The following MMD2 variants were observed in gnomAD, a reference collection of about 807,000 sequenced individuals.
MMD2 encodes monocyte to macrophage differentiation associated 2.
In MMD2, 30 loss-of-function variants were observed where a neutral mutation model predicts 33.5. The ratio of observed to expected loss-of-function variants is 0.90; its 90% confidence interval spans 0.67 to 1.22. The LOEUF (loss-of-function observed/expected upper bound fraction) is 1.22. MMD2 is among the 50% of genes most tolerant of loss of function. The probability of loss-of-function intolerance (pLI) is 0.00; values close to 1 mark genes in which losing one functional copy is unlikely to be tolerated. For synonymous variants in MMD2, 129 were observed against 123.0 expected (o/e 1.05, Z -0.32); for missense variants, 364 against 325.4 (o/e 1.12, Z -0.91).
the MMD2 span, among the ~76,000 whole-genome samples, chr7:4,892,585 TATAAATAA>T: frequency 4.0e-4 from 58 of 143,508 alleles, no homozygotes; most frequent in South Asian, 1.8e-3. Context: ...AAGACTCTGC[TATAAATAA>T]ATAAATAAAT....
chr7:4,939,883 G>C (rs73322960), intron 1 of MMD2, among the ~76,000 whole-genome samples: 1 of 151,840 alleles, frequency 6.6e-6, no homozygotes, highest in African/African-American at 2.4e-5. Flanking sequence ...GGGACTACAG[G>C]TGTACAGAAC....
chr7:4,920,082 C>T, intron 3 of MMD2, 89 bp downstream of exon 3: 2 of 1,409,380 alleles, frequency 1.4e-6, no homozygotes, highest in Non-Finnish European at 9.6e-7. Flanking sequence ...ACCAGGCAGA[C>T]CGGATATCCT....
intron 3 of MMD2, among the ~76,000 whole-genome samples, chr7:4,916,352 T>C (rs1231074428): frequency 6.7e-6 from 1 of 148,502 alleles, no homozygotes; most frequent in South Asian, 2.1e-4. Flanking sequence ...CAGGTAAGGA[T>C]TGAACATCCT....
chr7:4,941,522 C>T (rs1238084827), intron 1 of MMD2, among the ~76,000 whole-genome samples: 4 of 151,350 alleles, frequency 2.6e-5, no homozygotes, highest in Non-Finnish European at 2.9e-5. Flanking sequence ...CCCAGCTACT[C>T]AGGAGGCTGA....
intron 6 of MMD2, 152 bp downstream of exon 6, chr7:4,909,729 C>G: frequency 9.9e-7 from 1 of 1,013,880 alleles, no homozygotes; most frequent in Non-Finnish European, 1.5e-6. Context: ...GCCACTGTAC[C>G]TGGCCTACTG....
Position 4,907,036 on chromosome 7 carries a change from G to A in MMD2, c.*360C>T, listed in dbSNP as rs113634315. On this transcript the variant is annotated 3_prime_UTR_variant, in exon 7 of 7. Coordinates refer to ENST00000401401, the MANE Select transcript of MMD2 (RefSeq NM_198403.4). Reference sequence around the variant, plus strand: ...GCCACCCAGGTATAAACAACCCACAGGACTCTTTGCCAGATTCTTCAGGAC... The same window carrying A: ...GCCACCCAGGTATAAACAACCCACAAGACTCTTTGCCAGATTCTTCAGGAC... 7.4e-4 allele frequency: 213 copies of A among 285,934 alleles called. 1 individual carries two copies. The highest frequency in any genetic ancestry group is 4.5e-3 in the African/African-American group (205 of 45,712). 17.7% of individuals were successfully genotyped at this position (285,934 alleles called of 1,614,324 possible). A position where few individuals can be genotyped will look rare whatever the true frequency, so the allele number is the denominator to read the frequency against.
At chr7:4,901,788 C>T (rs1784798065), downstream of MMD2, among the ~76,000 whole-genome samples, 1 of 152,210 alleles carries the variant, frequency 6.6e-6, no homozygotes, top group South Asian at 2.1e-4. Context: ...AGTGGCGGAG[C>T]CGGGGGAGCC....
In MMD2 at chr7:4,944,923, A is replaced by G. The variant is rs561221212; in HGVS notation, c.47+14048T>C. On this transcript the variant is annotated intron_variant, in intron 1 of 6. Coordinates refer to ENST00000401401, the MANE Select transcript of MMD2 (RefSeq NM_198403.4). ...GCTGGGACTACAGGCGCCCGCCACC[A>G]TGCCTGGCTAATTTTTTTTGTATTT... is the stretch of plus-strand genomic sequence containing the variant. 7.3e-5 allele frequency among the ~76,000 whole-genome samples: 11 copies of G among 150,934 alleles called. No individual in the cohort carries two copies. In the South Asian group the frequency reaches 2.1e-3, roughly 29 times the overall value.
At chr7:4,894,478 G>T in the MMD2 span, among the ~76,000 whole-genome samples, 2 of 152,094 alleles carry the variant, frequency 1.3e-5, no homozygotes, top group Admixed American at 1.3e-4. The surrounding 1 kb of genome is among the most constrained non-coding windows in gnomAD (Gnocchi z 4.3). Flanking sequence ...TGCAAACCAA[G>T]CGATCACAGC....
chr7:4,949,352 G>A (rs2115157365), intron 1 of MMD2, among the ~76,000 whole-genome samples: 1 of 151,952 alleles, frequency 6.6e-6, no homozygotes, highest in Middle Eastern at 3.4e-3. Flanking sequence ...CCCAGCCTCT[G>A]GTAACCATCC....
Position 4,916,097 on chromosome 7 carries a change from C to T in MMD2, c.291-18G>A. Reference sequence around the variant, plus strand: ...CCACCATCCTAGGGCGGCAGAGAAGCCGGCAGTCACAGCCCCTGCACAGCA... The same window carrying T: ...CCACCATCCTAGGGCGGCAGAGAAGTCGGCAGTCACAGCCCCTGCACAGCA... On this transcript the variant is annotated intron_variant, in intron 3 of 6. Coordinates refer to ENST00000401401, the MANE Select transcript of MMD2 (RefSeq NM_198403.4). 1 of 1,612,622 alleles carries T rather than the reference C, an allele frequency of 6.2e-7. No individual in the cohort carries two copies.
intron 1 of MMD2, among the ~76,000 whole-genome samples, chr7:4,933,643 C>A (rs2115126823): frequency 6.6e-6 from 1 of 151,192 alleles, no homozygotes; most frequent in East Asian, 1.9e-4. Flanking sequence ...ATAATAAATG[C>A]ATTTTTTTTT....
the MMD2 span, among the ~76,000 whole-genome samples, chr7:4,895,973 T>C: frequency 1.3e-5 from 2 of 152,186 alleles, no homozygotes; most frequent in South Asian, 4.2e-4. Context: ...CCTGCCCACG[T>C]TTTCCCATCA....
intron 1 of MMD2, among the ~76,000 whole-genome samples, chr7:4,942,693 A>G (rs776119447): frequency 6.6e-6 from 1 of 150,916 alleles, no homozygotes; most frequent in Admixed American, 6.6e-5. Flanking sequence ...GCTCATTGCA[A>G]CCTCTGCCTC....
intron 1 of MMD2, among the ~76,000 whole-genome samples, chr7:4,927,688 CAGAG>C (rs975522683): frequency 1.3e-5 from 2 of 152,258 alleles, no homozygotes; most frequent in East Asian, 1.9e-4. Flanking sequence ...GCCTGGGTGA[CAGAG>C]AGAGACTCAT....
At chr7:4,901,936 G>A (rs1473822817), downstream of MMD2, among the ~76,000 whole-genome samples, 2 of 152,184 alleles carry the variant, frequency 1.3e-5, no homozygotes, top group African/African-American at 4.8e-5. Flanking sequence ...CACACCAGAG[G>A]TTTTAAAACA....
chr7:4,957,886 G>C (rs1276176940), intron 1 of MMD2, among the ~76,000 whole-genome samples: 1 of 152,146 alleles, frequency 6.6e-6, no homozygotes, highest in African/African-American at 2.4e-5. Context: ...TCCTAGCCCT[G>C]AGCTCCTCTT....
Position 4,906,638 on chromosome 7 carries a change from G to A in MMD2, c.*758C>T, listed in dbSNP as rs550443536. 9.5e-5 allele frequency: 38 copies of A among 398,210 alleles called. No homozygotes were observed. Among genetic ancestry groups the A allele is most frequent in the Middle Eastern group, 1.3e-3 (2 of 1,586 alleles). The allele number at this position is 398,210 out of a possible 1,614,324, so 24.7% of individuals were successfully genotyped here. On this transcript the variant is annotated 3_prime_UTR_variant, in exon 7 of 7. Transcript: ENST00000401401. ...AACATCAGGGGCTGCATGGGTGTGC[G>A]CCTCAGTTTCCCTCTACCGCCCCCA... is the stretch of plus-strand genomic sequence containing the variant.
Position 4,946,226 on chromosome 7 carries a change from TACACGCACAC to T in MMD2, c.47+12735_47+12744del, listed in dbSNP as rs1417667950. Among the ~76,000 whole-genome samples, 6 of 145,624 alleles carry T rather than the reference TACACGCACAC, an allele frequency of 4.1e-5. No individual in the cohort carries two copies. The East Asian group carries it at 6.1e-4, about 15-fold the overall frequency. On this transcript the variant is annotated intron_variant, in intron 1 of 6. Transcript: ENST00000401401. The surrounding 1 kb of genome is among the most constrained non-coding windows in gnomAD (Gnocchi z 5.0). ...ACACGCATGCACACACATGCACACA[TACACGCACAC>T]ACACGCACACCCCACCCCGTGCACA...
Sources: allele counts gnomAD v4.1 joint callset (sites outside exome capture counted in the v4.1 genomes callset), GRCh38; gene constraint gnomAD v4.1.1; non-coding constraint Gnocchi (gnomAD v3.1); transcripts MANE v1.5; gene names NCBI Gene and HGNC (gene_info 2026-07-23, HGNC 2026-07-21).